ANKRD6: variants seen among roughly 807,000 people sequenced by gnomAD.
ANKRD6 encodes the protein ankyrin repeat domain 6, also known as ankyrin repeat domain-containing protein 6.
In ANKRD6, 56 loss-of-function variants were observed where a neutral mutation model predicts 82.3. The ratio of observed to expected loss-of-function variants is 0.68; its 90% CI spans 0.55 to 0.85. The LOEUF is 0.85. ANKRD6 is among the 40% of genes least tolerant of loss of function. The pLI, the probability that ANKRD6 is intolerant of heterozygous loss-of-function variation, is 0.00. For missense variants in ANKRD6, 852 were observed against 907.6 expected, an observed-to-expected ratio of 0.94 and a Z score of 0.79; for synonymous variants, 347 against 352.1, an observed-to-expected ratio of 0.99 and a Z score of 0.16.
At chr6:89,621,378 T>G (rs1803227314) in intron 9 of ANKRD6, 1 of 158,704 alleles carries the variant, frequency 6.3e-6, no homozygotes, top group Non-Finnish European at 1.4e-5. Context: ...TGCTTCCTTT[T>G]GGGGAAGAGA....
At chr6:89,594,465 AAAAC>A (rs1336190551) in intron 2 of ANKRD6, among the ~76,000 whole-genome samples, 5 of 152,260 alleles carry the variant, frequency 3.3e-5, no homozygotes, top group South Asian at 4.1e-4. Context: ...AAGAAAAAAA[AAAAC>A]AAAGGTTTGA....
At chr6:89,528,107 C>G (rs1782731902) in intron 1 of ANKRD6, among the ~76,000 whole-genome samples, 2 of 152,188 alleles carry the variant, frequency 1.3e-5, no homozygotes, top group African/African-American at 4.8e-5. Flanking sequence ...CCCATCGCAC[C>G]CAGCCACAGT....
At chr6:89,464,218 C>A (rs1247097098) in intron 1 of ANKRD6, among the ~76,000 whole-genome samples, 1 of 151,802 alleles carries the variant, frequency 6.6e-6, no homozygotes. Context: ...ATCTAGTAGT[C>A]TAAATTCCTG....
chr6:89,479,469 T>A (rs956037618), intron 1 of ANKRD6, among the ~76,000 whole-genome samples: 2 of 152,214 alleles, frequency 1.3e-5, no homozygotes, highest in African/African-American at 4.8e-5. Context: ...TTGAATCATC[T>A]TCTTTTATTG....
At chr6:89,530,565 A>G (rs2127989298) in intron 1 of ANKRD6, among the ~76,000 whole-genome samples, 2 of 152,260 alleles carry the variant, frequency 1.3e-5, no homozygotes, top group South Asian at 4.2e-4. Context: ...GTTGAGTAGC[A>G]CAGTTTGCTT....
intron 1 of ANKRD6, among the ~76,000 whole-genome samples, chr6:89,505,286 G>A (rs868215685): frequency 6.6e-6 from 1 of 152,168 alleles, no homozygotes; most frequent in Non-Finnish European, 1.5e-5. Context: ...AACAGTGGAG[G>A]GATCATTGTA....
At chr6:89,615,009 T>C (rs1287806101) in intron 7 of ANKRD6, among the ~76,000 whole-genome samples, 1 of 152,192 alleles carries the variant, frequency 6.6e-6, no homozygotes, top group Non-Finnish European at 1.5e-5. Flanking sequence ...GCAATGGGGT[T>C]TTGAAATAAA....
At chr6:89,587,050 G>T (rs112115622) in intron 2 of ANKRD6, among the ~76,000 whole-genome samples, 1 of 152,004 alleles carries the variant, frequency 6.6e-6, no homozygotes, top group Non-Finnish European at 1.5e-5. Context: ...AACTAGCGGG[G>T]CATGGTGGTG....
At chr6:89,589,141 G>T (rs1371636967) in intron 2 of ANKRD6, among the ~76,000 whole-genome samples, 1 of 152,070 alleles carries the variant, frequency 6.6e-6, no homozygotes, top group East Asian at 1.9e-4. Flanking sequence ...GGTACTGTTG[G>T]TCTGAAAGGC....
At chr6:89,551,346 T>G (rs1007741221) in intron 1 of ANKRD6, among the ~76,000 whole-genome samples, 40 of 152,336 alleles carry the variant, frequency 2.6e-4, no homozygotes, top group African/African-American at 9.6e-4. Flanking sequence ...TCTGTCACCC[T>G]CTTCCCACCA....
chr6:89,447,866 C>G (rs1219551024), intron 1 of ANKRD6, among the ~76,000 whole-genome samples: 1 of 39,388 alleles, frequency 2.5e-5, no homozygotes. Context: ...TTTTTTTTTT[C>G]AGTAGAGATG....
intron 1 of ANKRD6, among the ~76,000 whole-genome samples, chr6:89,513,803 A>G (rs551649349): frequency 1.3e-5 from 2 of 151,670 alleles, no homozygotes; most frequent in African/African-American, 4.9e-5. Flanking sequence ...GAGACACACA[A>G]AGAGAGAGCA....
chr6:89,524,715 A>G (rs886315603), intron 1 of ANKRD6, among the ~76,000 whole-genome samples: 4 of 152,020 alleles, frequency 2.6e-5, no homozygotes, highest in Non-Finnish European at 5.9e-5. Context: ...TTTTTCATAT[A>G]ATGACTTCTT....
At chr6:89,620,986 G>A (rs962561709) in intron 9 of ANKRD6, among the ~76,000 whole-genome samples, 4 of 151,998 alleles carry the variant, frequency 2.6e-5, no homozygotes, top group Admixed American at 6.6e-5. Flanking sequence ...GGAGAATGGC[G>A]TGAACCCGGG....
chr6:89,586,263 T>C (rs915297161), intron 2 of ANKRD6, among the ~76,000 whole-genome samples: 4 of 152,218 alleles, frequency 2.6e-5, no homozygotes, highest in Non-Finnish European at 5.9e-5. Context: ...TAACAGTTCC[T>C]GAAAAGGCAG....
At chr6:89,486,204 G>A (rs1196048829) in intron 1 of ANKRD6, among the ~76,000 whole-genome samples, 1 of 152,154 alleles carries the variant, frequency 6.6e-6, no homozygotes, top group East Asian at 1.9e-4. Context: ...ATAGGAAGGT[G>A]GTCCCAAAAG....
chr6:89,580,632 C>T (rs1265576178), intron 2 of ANKRD6, among the ~76,000 whole-genome samples: 1 of 151,982 alleles, frequency 6.6e-6, no homozygotes, highest in Admixed American at 6.5e-5. Flanking sequence ...AACCTGTTTC[C>T]AGTTTCGACA....
At chr6:89,507,033 C>G (rs980959134) in intron 1 of ANKRD6, among the ~76,000 whole-genome samples, 1 of 152,210 alleles carries the variant, frequency 6.6e-6, no homozygotes, top group Admixed American at 6.5e-5. Flanking sequence ...TCAATATTTT[C>G]CAAGCTTATC....
chr6:89,552,948 G>T (rs2128035562), intron 1 of ANKRD6, among the ~76,000 whole-genome samples: 2 of 152,288 alleles, frequency 1.3e-5, no homozygotes, highest in South Asian at 4.1e-4. Flanking sequence ...GTCTTTTGTG[G>T]ATAGTGGTGT....
Sources: allele counts gnomAD v4.1 joint callset (sites outside exome capture counted in the v4.1 genomes callset), GRCh38; gene constraint gnomAD v4.1.1; transcripts MANE v1.5; gene names NCBI Gene and HGNC (gene_info 2026-07-23, HGNC 2026-07-21).